ZDHHC21: variants seen among roughly 807,000 people sequenced by gnomAD.
ZDHHC21 encodes the protein palmitoyltransferase ZDHHC21.
Under a neutral mutation model 34.6 loss-of-function variants are expected in ZDHHC21, and 15 were observed. The observed-to-expected ratio is 0.43, with a 90% confidence interval of 0.29 to 0.67. The LOEUF is 0.67. Ranked by LOEUF, ZDHHC21 falls within the 30% of genes least tolerant of loss-of-function variation. The probability of loss-of-function intolerance (pLI) is 0.14; values close to 1 mark genes in which losing one functional copy is unlikely to be tolerated. For missense variants in ZDHHC21, 344 were observed against 327.7 expected (o/e 1.05, Z -0.38); for synonymous variants, 142 against 101.8 (o/e 1.40, Z -2.38).
At chr9:14,673,744 A>G (rs1440604317) in intron 4 of ZDHHC21, among the ~76,000 whole-genome samples, 3 of 152,048 alleles carry the variant, frequency 2.0e-5, no homozygotes, top group African/African-American at 7.2e-5. Context: ...AGCCATCACC[A>G]ATTGACTAAT....
At chr9:14,642,101 G>C (rs189373858) in intron 7 of ZDHHC21, among the ~76,000 whole-genome samples, 118 of 152,184 alleles carry the variant, frequency 7.8e-4, no homozygotes, top group Non-Finnish European at 1.3e-3. Context: ...GAGACTAAAA[G>C]ATCTACTTAT....
chr9:14,642,655 A>C (rs1053313616), intron 7 of ZDHHC21, among the ~76,000 whole-genome samples: 3 of 152,182 alleles, frequency 2.0e-5, no homozygotes, highest in African/African-American at 7.2e-5. Context: ...TCCCGGAGGA[A>C]AGACCATGTG....
intron 8 of ZDHHC21, among the ~76,000 whole-genome samples, chr9:14,632,008 A>G (rs536232789): frequency 2.4e-4 from 36 of 151,980 alleles, no homozygotes; most frequent in Non-Finnish European, 4.9e-4. Flanking sequence ...TATTGTACCG[A>G]AAGACTTACT....
chr9:14,632,147 G>C (rs1385465169), intron 8 of ZDHHC21, among the ~76,000 whole-genome samples: 3 of 151,648 alleles, frequency 2.0e-5, no homozygotes, highest in Non-Finnish European at 4.4e-5. Context: ...CTGTGGATAA[G>C]AAATTAAGTG....
chr9:14,593,240 C>T, the ZDHHC21 span, among the ~76,000 whole-genome samples: 1 of 151,894 alleles, frequency 6.6e-6, no homozygotes, highest in Non-Finnish European at 1.5e-5. Context: ...AATTGACAAA[C>T]CTTTAAGTAC....
chr9:14,603,807 G>C, the ZDHHC21 span, among the ~76,000 whole-genome samples: 3 of 152,184 alleles, frequency 2.0e-5, no homozygotes, highest in South Asian at 6.2e-4. Flanking sequence ...CTGAACTTTA[G>C]AGGGGTCGAA....
intron 8 of ZDHHC21, among the ~76,000 whole-genome samples, chr9:14,638,179 T>C (rs190614142): frequency 1.8e-3 from 276 of 152,036 alleles, no homozygotes; most frequent in Middle Eastern, 0.017. Flanking sequence ...AGCAGACACA[T>C]AGACACACAG....
chr9:14,619,525 G>A, intron 9 of ZDHHC21, 114 bp downstream of exon 9: 3 of 888,046 alleles, frequency 3.4e-6, no homozygotes, highest in Non-Finnish European at 5.0e-6. Context: ...CTCAGACAAT[G>A]CACCAAGAAA....
intron 3 of ZDHHC21, among the ~76,000 whole-genome samples, chr9:14,676,805 G>A (rs903061361): frequency 6.6e-6 from 1 of 151,918 alleles, no homozygotes; most frequent in African/African-American, 2.4e-5. Flanking sequence ...AAACATTCAA[G>A]ACAATGTTAA....
chr9:14,674,076 G>T, intron 4 of ZDHHC21, 111 bp downstream of exon 4: 1 of 624,728 alleles, frequency 1.6e-6, no homozygotes, highest in Non-Finnish European at 2.5e-6. Flanking sequence ...TGACAGCACT[G>T]CTAAAATACT....
At chr9:14,670,749 C>T (rs1169766845) in intron 5 of ZDHHC21, among the ~76,000 whole-genome samples, 1 of 152,004 alleles carries the variant, frequency 6.6e-6, no homozygotes, top group African/African-American at 2.4e-5. Context: ...TATATGAACA[C>T]ATACATATCT....
downstream of ZDHHC21, among the ~76,000 whole-genome samples, chr9:14,606,251 C>G (rs1449704526): frequency 6.6e-6 from 1 of 152,170 alleles, no homozygotes; most frequent in Admixed American, 6.5e-5. Flanking sequence ...TTCTCTCCCG[C>G]TGACTCTGGA....
At chr9:14,622,134 G>T (rs1825419924) in intron 8 of ZDHHC21, among the ~76,000 whole-genome samples, 1 of 152,086 alleles carries the variant, frequency 6.6e-6, no homozygotes, top group East Asian at 1.9e-4. Flanking sequence ...TTTACACCTC[G>T]ATTACAGTCT....
At chr9:14,664,251 C>T (rs1209553870) in intron 5 of ZDHHC21, among the ~76,000 whole-genome samples, 5 of 152,090 alleles carry the variant, frequency 3.3e-5, no homozygotes, top group African/African-American at 9.7e-5. Context: ...GGGTGACGGA[C>T]GCACCTGGAA....
At chr9:14,685,731 G>T (rs1838201189) in intron 2 of ZDHHC21, among the ~76,000 whole-genome samples, 1 of 152,268 alleles carries the variant, frequency 6.6e-6, no homozygotes, top group East Asian at 1.9e-4. Context: ...TACAAATCAT[G>T]CTGCTATAAA....
intron 5 of ZDHHC21, among the ~76,000 whole-genome samples, chr9:14,663,948 A>T (rs1449518415): frequency 6.6e-6 from 1 of 152,106 alleles, no homozygotes; most frequent in African/African-American, 2.4e-5. Context: ...CCACTCCCCT[A>T]CTTAGCTCAA....
chr9:14,686,199 A>T (rs907300615), intron 2 of ZDHHC21, among the ~76,000 whole-genome samples: 2 of 152,184 alleles, frequency 1.3e-5, no homozygotes, highest in Non-Finnish European at 2.9e-5. Context: ...AACTTAAAGT[A>T]TAATTTAAAA....
chr9:14,624,337 T>C (rs1035027271), intron 8 of ZDHHC21, among the ~76,000 whole-genome samples: 3 of 152,092 alleles, frequency 2.0e-5, no homozygotes, highest in Non-Finnish European at 4.4e-5. Flanking sequence ...GGGACAACTG[T>C]ATATTCAAAG....
chr9:14,689,895 A>G (rs187579626), intron 2 of ZDHHC21, among the ~76,000 whole-genome samples: 180 of 152,222 alleles, frequency 1.2e-3, no homozygotes, highest in South Asian at 2.7e-3. Context: ...CTTCTAACAA[A>G]AAGTAAAAAT....
Sources: allele counts gnomAD v4.1 joint callset (sites outside exome capture counted in the v4.1 genomes callset), GRCh38; gene constraint gnomAD v4.1.1; transcripts MANE v1.5; gene names NCBI Gene and HGNC (gene_info 2026-07-23, HGNC 2026-07-21).